Variants in CPB1 observed in about 807,000 individuals in gnomAD.
CPB1 encodes the protein carboxypeptidase B.
Under a neutral mutation model 51.4 loss-of-function variants are expected in CPB1, and 53 were observed. The observed-to-expected ratio is 1.03, with a 90% CI of 0.83 to 1.30. The LOEUF is 1.30. CPB1 is among the 50% of genes most tolerant of loss of function. The pLI is 0.00. For synonymous variants in CPB1, 189 were observed against 186.9 expected, an observed-to-expected ratio of 1.01 and a Z score of -0.09; for missense variants, 494 against 516.2, an observed-to-expected ratio of 0.96 and a Z score of 0.42.
At chr3:148,838,167 G>T (rs1466667294) in intron 3 of CPB1, 1 of 152,158 alleles carries the variant, frequency 6.6e-6, no homozygotes, top group East Asian at 1.9e-4. Context: ...AGAATGGAGT[G>T]AACTCAGGAG....
intron 9 of CPB1, among the ~76,000 whole-genome samples, chr3:148,848,075 G>A (rs1340413932): frequency 1.3e-5 from 2 of 152,206 alleles, no homozygotes; most frequent in African/African-American, 4.8e-5. Context: ...AATATTTTGA[G>A]TAGCTGGAGA....
chr3:148,834,349 C>T, intron 2 of CPB1, 149 bp from the exon 3 acceptor site: 1 of 741,808 alleles, frequency 1.3e-6, no homozygotes, highest in Non-Finnish European at 2.3e-6. Context: ...TGGTTCCAAC[C>T]CTTGTTCACT....
At chr3:148,842,204 G>A (rs544990898) in intron 6 of CPB1, among the ~76,000 whole-genome samples, 3 of 150,008 alleles carry the variant, frequency 2.0e-5, no homozygotes, top group African/African-American at 4.9e-5. Flanking sequence ...TGGGCAACAC[G>A]GTGGAACCTC....
At chr3:148,847,372 T>TAAAAAAAAAAAAA (rs3043983) in intron 9 of CPB1, among the ~76,000 whole-genome samples, 1 of 86,708 alleles carries the variant, frequency 1.2e-5, no homozygotes, top group Admixed American at 1.3e-4. Flanking sequence ...AAATCATTCT[T>TAAAAAAAAAAAAA]AAAAAAAAAA....
chr3:148,845,374 C>T, intron 8 of CPB1, 50 bp from the exon 9 acceptor site: 1 of 1,557,664 alleles, frequency 6.4e-7, no homozygotes, highest in Non-Finnish European at 8.8e-7. Flanking sequence ...AACATCCCCA[C>T]AAGAACTTCA....
intron 6 of CPB1, among the ~76,000 whole-genome samples, chr3:148,843,915 G>C (rs371352516): frequency 3.9e-5 from 6 of 152,108 alleles, no homozygotes; most frequent in Non-Finnish European, 7.4e-5. Flanking sequence ...GTGTTGGTGA[G>C]AGCCTCCCCA....
Position 148,840,764 on chromosome 3 carries a change from G to A in CPB1, c.351G>A (p.Glu117=). 6.2e-7 allele frequency: 1 copy of A among 1,614,144 alleles called. No individual in the cohort carries two copies. The highest frequency in any genetic ancestry group is 8.5e-7 in the Non-Finnish European group (1 of 1,179,998). The stretch of plus-strand genomic sequence containing the variant: ...TTCGTGCAACAGGACACAGTTATGA[G>A]AAGTACAACAAGTGGGAAACGGTAT... ...SRVRATGHSY[E]KYNKWETIEA... Residue 117 remains glutamate (E), a synonymous_variant, in exon 4 of 11, where the codon GAG becomes GAA. Coordinates refer to ENST00000282957, the MANE Select transcript of CPB1 (RefSeq NM_001871.3).
intron 3 of CPB1, among the ~76,000 whole-genome samples, chr3:148,835,307 A>G (rs1202133990): frequency 6.6e-6 from 1 of 152,216 alleles, no homozygotes; most frequent in Admixed American, 6.5e-5. Flanking sequence ...AAGTTCCAAT[A>G]AGGACAGATA....
In CPB1 at chr3:148,860,048, C is replaced by T. The variant is rs1001261270; in HGVS notation, c.*46C>T. The T allele has an allele frequency of 1.3e-6, 2 of 1,559,252 alleles. No homozygotes were observed. The highest frequency in any genetic ancestry group is 1.4e-5 in the African/African-American group (1 of 72,916). On this transcript the variant is annotated 3_prime_UTR_variant, in exon 11 of 11. Transcript: ENST00000282957. The stretch of plus-strand genomic sequence containing the variant: ...GTTTCAAAATTCTCATTTTTCATTT[C>T]TTTTCTTTCTTGAATTCTTATTTTG...
intron 8 of CPB1, 135 bp from the exon 9 acceptor site, chr3:148,845,289 T>C (rs1047666235): frequency 4.6e-6 from 3 of 647,190 alleles, no homozygotes; most frequent in African/African-American, 3.7e-5. Flanking sequence ...ATATAATATA[T>C]ACATAATAGG....
chr3:148,859,789 T>C (rs764690313), intron 10 of CPB1, 26 bp from the exon 11 acceptor site: 1 of 1,551,620 alleles, frequency 6.4e-7, no homozygotes, highest in East Asian at 2.3e-5. Flanking sequence ...TTAAAGTTTT[T>C]TTTCACTGCT....
Position 148,858,587 on chromosome 3 carries a change from A to G in CPB1, c.1066+1046A>G, listed in dbSNP as rs761770605. Among the ~76,000 whole-genome samples, 3 of 151,964 alleles carry G rather than the reference A, an allele frequency of 2.0e-5. No individual in the cohort carries two copies. In the South Asian group the frequency reaches 6.2e-4, roughly 32 times the overall value. On this transcript the variant is annotated intron_variant, in intron 10 of 10. Transcript: ENST00000282957. ...AACTCCATCTCAAAAAAAAAAAGAC[A>G]GAGTGTTTTTTTGGCTAAACAGACG...
At chr3:148,857,241 G>A in intron 9 of CPB1, 3 of 447,144 alleles carry the variant, frequency 6.7e-6, no homozygotes, top group Non-Finnish European at 8.1e-6. Context: ...CAGAGTGAAT[G>A]CTTGGGGAGG....
chr3:148,845,741 G>A, intron 9 of CPB1, 115 bp downstream of exon 9: 1 of 808,564 alleles, frequency 1.2e-6, no homozygotes, highest in Non-Finnish European at 1.9e-6. Flanking sequence ...TGATTTTTTT[G>A]GTAGTAGAAT....
intron 2 of CPB1, among the ~76,000 whole-genome samples, chr3:148,828,861 A>T (rs1416557404): frequency 2.0e-5 from 3 of 152,206 alleles, no homozygotes; most frequent in Non-Finnish European, 4.4e-5. Flanking sequence ...AGGAAGGAAG[A>T]AGAAGGTGGA....
chr3:148,859,859 A>G lies in CPB1; in HGVS notation c.1111A>G (p.Ile371Val). 1 of 1,614,106 alleles carries G rather than the reference A, an allele frequency of 6.2e-7. No homozygotes were observed. Among genetic ancestry groups the G allele is most frequent in the Admixed American group, 1.7e-5 (1 of 60,014 alleles). The change falls in exon 11 of 11, where the codon ATC becomes GTC. Residue 371 changes from isoleucine to valine, a missense_variant. Physicochemically the swap from Ile to Val is conservative, Grantham distance 29. Transcript: ENST00000282957. Reference sequence around the variant, plus strand: ...TGACGACTGGGCTTATGACCAAGGAATCAGATATTCCTTCACCTTTGAACT... The same window carrying G: ...TGACGACTGGGCTTATGACCAAGGAGTCAGATATTCCTTCACCTTTGAACT... ...GSDDWAYDQG[I>V]RYSFTFELRD...
intron 9 of CPB1, chr3:148,854,179 C>T (rs1433325754): frequency 6.6e-6 from 1 of 152,194 alleles, no homozygotes; most frequent in Admixed American, 6.5e-5. Flanking sequence ...AGGGGTCAGT[C>T]ATCTGGGTTG....
intron 9 of CPB1, among the ~76,000 whole-genome samples, chr3:148,846,797 G>GTGTATGTATATATATATATA (rs1364486523): frequency 5.9e-5 from 3 of 50,540 alleles, no homozygotes; most frequent in African/African-American, 1.1e-4. Context: ...GTGTGCGTGT[G>GTGTATGTATATATATATATA]TATATATATA....
At chr3:148,840,428 T>C (rs758250653) in intron 3 of CPB1, among the ~76,000 whole-genome samples, 31 of 152,268 alleles carry the variant, frequency 2.0e-4, no homozygotes, top group Middle Eastern at 3.4e-3. Flanking sequence ...GTCAAATACC[T>C]GAGGTTTGGG....
Sources: gnomAD v4.1 joint callset for allele counts (sites outside exome capture counted in the v4.1 genomes callset) on GRCh38, gnomAD v4.1.1 for gene constraint, MANE v1.5 for transcripts, NCBI Gene and HGNC (gene_info 2026-07-23, HGNC 2026-07-21) for gene names.